The following LYAR variants were observed in gnomAD, a reference collection of about 807,000 sequenced individuals.
LYAR encodes Ly1 antibody reactive.
Under a neutral mutation model 45.2 loss-of-function variants are expected in LYAR, and 37 were observed. The ratio of observed to expected loss-of-function variants is 0.82; its 90% CI spans 0.63 to 1.08. The LOEUF (loss-of-function observed/expected upper bound fraction) is 1.08. Ranked by LOEUF, LYAR falls within the 50% of genes least tolerant of loss-of-function variation. The probability of loss-of-function intolerance (pLI) is 0.00; values close to 1 mark genes in which losing one functional copy is unlikely to be tolerated. For synonymous variants in LYAR, 176 were observed against 155.1 expected (o/e 1.14, Z -1.00); for missense variants, 493 against 451.0 (o/e 1.09, Z -0.84).
At chr4:4,281,989 C>T in intron 3 of LYAR, 92 bp from the exon 4 acceptor site, 1 of 764,872 alleles carries the variant, frequency 1.3e-6, no homozygotes. Flanking sequence ...GTGGTCTACA[C>T]TGTATATTTT....
rs184394197 is a variant in LYAR at position 4,269,488 on chromosome 4, T to G, written c.920-873A>C. 2.8e-4 allele frequency among the ~76,000 whole-genome samples: 42 copies of G among 152,262 alleles called. No homozygotes were observed. The East Asian group carries it at 6.2e-3, about 22-fold the overall frequency. Reference sequence around the variant, plus strand: ...AAGGCCAAGCAGGAATTCAGGGGTCTCATCCACACAGGCCGGTCATGAGGC... The same window carrying G: ...AAGGCCAAGCAGGAATTCAGGGGTCGCATCCACACAGGCCGGTCATGAGGC... On this transcript the variant is annotated intron_variant, in intron 8 of 9. Transcript: ENST00000343470.
At position 4,273,601 on chromosome 4, in the gene LYAR, C is replaced by A; in HGVS notation, c.901G>T (p.Asp301Tyr). The change falls in exon 8 of 10, where the codon GAT becomes TAT. Residue 301 changes from aspartate (D) to tyrosine (Y), a missense_variant. By Grantham distance (160) the Asp-to-Tyr change is radical (BLOSUM62 -3). Coordinates refer to ENST00000343470, the MANE Select transcript of LYAR (RefSeq NM_017816.3). ...EHPEGGEPED[D>Y]EAPAKGKFNW... is the part of the protein sequence containing the mutation. ...GATATACCTTTTGCAGGAGCCTCAT[C>A]GTCTTCTGGTTCTCCGCCCTCAGGA... 6.2e-7 allele frequency: 1 copy of A among 1,613,346 alleles called. No homozygotes were observed. Among genetic ancestry groups the A allele is most frequent in the Admixed American group, 1.7e-5 (1 of 59,966 alleles).
chr4:4,279,253 A>T (rs1719303956), intron 6 of LYAR, among the ~76,000 whole-genome samples, 194 bp downstream of exon 6: 3 of 152,170 alleles, frequency 2.0e-5, no homozygotes, highest in Admixed American at 2.0e-4. Context: ...GAATTGCTTG[A>T]ACCCAGAGGC....
At chr4:4,279,891 T>C in intron 4 of LYAR, 142 bp from the exon 5 acceptor site, 1 of 607,896 alleles carries the variant, frequency 1.6e-6, no homozygotes. Context: ...TGCTTAAAAA[T>C]ATATAGGTTA....
chr4:4,285,198 G>A (rs533755002), intron 2 of LYAR, among the ~76,000 whole-genome samples: 3 of 152,242 alleles, frequency 2.0e-5, no homozygotes, highest in East Asian at 3.9e-4. Context: ...CCCAGGCCCC[G>A]CTCCTCAGCT....
intron 4 of LYAR, 110 bp from the exon 5 acceptor site, chr4:4,279,859 C>A: frequency 3.0e-6 from 2 of 671,042 alleles, no homozygotes; most frequent in South Asian, 1.9e-5. Flanking sequence ...CGTTTTAAGC[C>A]CAGATTCTGT....
chr4:4,275,829 G>C (rs369965584), intron 6 of LYAR, among the ~76,000 whole-genome samples: 55 of 152,174 alleles, frequency 3.6e-4, no homozygotes, highest in Non-Finnish European at 6.8e-4. Context: ...CTGAGTAGCT[G>C]GGATTACAGG....
chr4:4,289,215 C>T (rs544215505), intron 1 of LYAR, among the ~76,000 whole-genome samples: 1 of 152,182 alleles, frequency 6.6e-6, no homozygotes, highest in Non-Finnish European at 1.5e-5. Flanking sequence ...GATGAGCAAA[C>T]TGAGGCACAG....
At chr4:4,279,263 C>T (rs892100414) in intron 6 of LYAR, among the ~76,000 whole-genome samples, 184 bp downstream of exon 6, 1 of 152,108 alleles carries the variant, frequency 6.6e-6, no homozygotes, top group Non-Finnish European at 1.5e-5. Context: ...AACCCAGAGG[C>T]AGAAGTTGCA....
At position 4,267,771 on chromosome 4, in the gene LYAR, T is replaced by C; in HGVS notation, c.*118A>G. ...TATACCAAAAATATATTTTCTTAAC[T>C]TAAAAATACAGCTTCAAAAAGCAAA... On this transcript the variant is annotated 3_prime_UTR_variant, in exon 10 of 10. Transcript: ENST00000343470. 1 of 678,386 alleles carries C rather than the reference T, an allele frequency of 1.5e-6. No individual in the cohort carries two copies. Among genetic ancestry groups the C allele is most frequent in the Non-Finnish European group, 2.2e-6 (1 of 457,892 alleles). The allele number at this position is 678,386 out of a possible 1,614,324, so 42.0% of individuals were successfully genotyped here.
At chr4:4,288,658 G>C (rs1473296101) in intron 1 of LYAR, among the ~76,000 whole-genome samples, 1 of 151,956 alleles carries the variant, frequency 6.6e-6, no homozygotes. Flanking sequence ...GCTAATTTTT[G>C]TATTTTTAGT....
intron 3 of LYAR, among the ~76,000 whole-genome samples, chr4:4,282,955 G>A (rs1284226935): frequency 1.3e-5 from 2 of 152,134 alleles, no homozygotes; most frequent in Admixed American, 6.6e-5. Context: ...ATGGGCATGT[G>A]ATACCCATGG....
chr4:4,287,081 T>G (rs1024304172), intron 1 of LYAR, among the ~76,000 whole-genome samples: 2 of 152,232 alleles, frequency 1.3e-5, no homozygotes, highest in East Asian at 3.8e-4. Flanking sequence ...GATTTCAACA[T>G]CTAGCCCTAA....
At chr4:4,269,388 C>G (rs1343836996) in intron 8 of LYAR, among the ~76,000 whole-genome samples, 5 of 152,230 alleles carry the variant, frequency 3.3e-5, no homozygotes. Context: ...CCACCCCCAC[C>G]CGCACCAGCA....
intron 3 of LYAR, among the ~76,000 whole-genome samples, chr4:4,282,104 C>G (rs894284841): frequency 4.6e-5 from 7 of 152,152 alleles, no homozygotes; most frequent in African/African-American, 1.7e-4. Context: ...AATATAAAAC[C>G]CATCACCAAA....
intron 7 of LYAR, among the ~76,000 whole-genome samples, chr4:4,273,968 A>G (rs575234622): frequency 2.0e-5 from 3 of 152,274 alleles, no homozygotes; most frequent in South Asian, 4.1e-4. Context: ...TAGGTGCGGT[A>G]GCTCATGCCT....
intron 3 of LYAR, among the ~76,000 whole-genome samples, chr4:4,282,833 C>G (rs915528988): frequency 6.6e-6 from 1 of 152,206 alleles, no homozygotes; most frequent in Admixed American, 6.5e-5. Flanking sequence ...CTCACTTCCA[C>G]CAGCACCTCT....
At chr4:4,287,902 C>T (rs564442842) in intron 1 of LYAR, among the ~76,000 whole-genome samples, 8 of 152,346 alleles carry the variant, frequency 5.3e-5, no homozygotes, top group African/African-American at 1.9e-4. Context: ...ACAGGAGAGG[C>T]TGTCAGGGTC....
At position 4,283,671 on chromosome 4, in the gene LYAR, A is replaced by G; in HGVS notation, c.72T>C (p.Val24=). The part of the protein sequence containing the change: ...KKIQVEKHVS[V]CRNCECLSCI... Reference sequence around the variant, plus strand: ...AAGAAAGGCATTCACAGTTTCTGCAAACAGACACATGCTTTTCCACTTGTA... The same window carrying G: ...AAGAAAGGCATTCACAGTTTCTGCAGACAGACACATGCTTTTCCACTTGTA... The change falls in exon 3 of 10, where the codon GTT becomes GTC. Residue 24 remains valine (V), a synonymous_variant. Coordinates refer to ENST00000343470, the MANE Select transcript of LYAR (RefSeq NM_017816.3). The G allele has an allele frequency of 1.2e-6, 2 of 1,613,206 alleles. No individual in the cohort carries two copies. The highest frequency in any genetic ancestry group is 1.7e-6 in the Non-Finnish European group (2 of 1,179,832).
Sources: allele counts gnomAD v4.1 joint callset (sites outside exome capture counted in the v4.1 genomes callset), GRCh38; gene constraint gnomAD v4.1.1; transcripts MANE v1.5; gene names NCBI Gene and HGNC (gene_info 2026-07-23, HGNC 2026-07-21).